The following LPCAT2 variants were observed in gnomAD, a reference collection of about 807,000 sequenced individuals.
LPCAT2 encodes 1-AGP acyltransferase 11.
In LPCAT2, 58 loss-of-function variants were observed where a neutral mutation model predicts 64.7. The ratio of observed to expected loss-of-function variants is 0.90; its 90% confidence interval spans 0.73 to 1.12. The LOEUF (loss-of-function observed/expected upper bound fraction) is 1.12. LPCAT2 is among the 50% of genes most tolerant of loss of function. The probability of loss-of-function intolerance (pLI) is 0.00; values close to 1 mark genes in which losing one functional copy is unlikely to be tolerated. For missense variants in LPCAT2, 579 were observed against 669.8 expected (o/e 0.86, Z 1.50); for synonymous variants, 252 against 245.3 (o/e 1.03, Z -0.26).
chr16:55,566,920 A>C, intron 11 of LPCAT2: 1 of 1,613,860 alleles, frequency 6.2e-7, no homozygotes, highest in Non-Finnish European at 8.5e-7. Context: ...GCAGCAGCTC[A>C]GTATACTCCA....
chr16:55,565,834 G>C (rs1425839239), intron 11 of LPCAT2, among the ~76,000 whole-genome samples: 2 of 151,950 alleles, frequency 1.3e-5, no homozygotes, highest in Non-Finnish European at 2.9e-5. Context: ...ACTTAAAAAT[G>C]GTTAAAATAG....
At chr16:55,575,309 C>T (rs535478367) in intron 12 of LPCAT2, among the ~76,000 whole-genome samples, 5 of 152,282 alleles carry the variant, frequency 3.3e-5, no homozygotes, top group African/African-American at 1.2e-4. Context: ...CTGGTTCCCA[C>T]AGAGCTTGAT....
Position 55,543,911 on chromosome 16 carries a change from T to C in LPCAT2, c.853-1824T>C, listed in dbSNP as rs180877183. On this transcript the variant is annotated intron_variant, in intron 8 of 13. Coordinates refer to ENST00000262134, the MANE Select transcript of LPCAT2 (RefSeq NM_017839.5). ...CCCCCTTAGAGAGGAAATAATCAGATAAATGTGAAAAGTAAATATCCTGTA... is the reference window on the plus strand; with the variant it reads ...CCCCCTTAGAGAGGAAATAATCAGACAAATGTGAAAAGTAAATATCCTGTA... Among the ~76,000 whole-genome samples, 1,354 of 152,334 alleles carry C rather than the reference T, an allele frequency of 8.9e-3. 16 individuals are homozygous for C. The highest frequency in any genetic ancestry group is 0.03 in the African/African-American group (1,252 of 41,570).
At chr16:55,520,248 A>G (rs1236683452) in intron 1 of LPCAT2, among the ~76,000 whole-genome samples, 5 of 152,122 alleles carry the variant, frequency 3.3e-5, no homozygotes, top group Non-Finnish European at 4.4e-5. Flanking sequence ...CTGTATTAAT[A>G]TCAGATAAAG....
chr16:55,543,180 C>T (rs1450796088), intron 8 of LPCAT2, among the ~76,000 whole-genome samples: 3 of 152,056 alleles, frequency 2.0e-5, no homozygotes, highest in Non-Finnish European at 2.9e-5. Flanking sequence ...AGGAATGGGG[C>T]CTCCAAGGCC....
chr16:55,547,574 T>C (rs1285256358), intron 9 of LPCAT2, among the ~76,000 whole-genome samples: 1 of 152,168 alleles, frequency 6.6e-6, no homozygotes, highest in Non-Finnish European at 1.5e-5. Context: ...TCACACTAGG[T>C]AGTGACTGTC....
At chr16:55,533,121 C>G (rs1473408125) in intron 6 of LPCAT2, among the ~76,000 whole-genome samples, 2 of 152,080 alleles carry the variant, frequency 1.3e-5, no homozygotes, top group African/African-American at 2.4e-5. Flanking sequence ...ATTTTCTTAG[C>G]CTTTACTCTG....
chr16:55,579,380 A>G (rs1366950127), intron 13 of LPCAT2, 136 bp downstream of exon 13: 2 of 816,920 alleles, frequency 2.4e-6, no homozygotes, highest in African/African-American at 1.7e-5. Context: ...GACCACAGTA[A>G]TAATAGTAGT....
chr16:55,574,531 G>A (rs776324130), intron 11 of LPCAT2, 100 bp from the exon 12 acceptor site: 34 of 777,118 alleles, frequency 4.4e-5, no homozygotes, highest in Non-Finnish European at 7.3e-5. Flanking sequence ...AGTGAATGAT[G>A]AGGTTGAGCT....
rs1317677495 is a variant in LPCAT2 at position 55,586,338 on chromosome 16, C to T, written c.*3240C>T. 1 of 152,116 alleles carries T rather than the reference C, an allele frequency of 6.6e-6. No homozygotes were observed. Among genetic ancestry groups the T allele is most frequent in the Non-Finnish European group, 1.5e-5 (1 of 68,014 alleles). The allele number at this position is 152,116 out of a possible 1,614,324, so 9.4% of individuals were successfully genotyped here. A position where few individuals can be genotyped will look rare whatever the true frequency, so the allele number is the denominator to read the frequency against. On this transcript the variant is annotated 3_prime_UTR_variant, in exon 14 of 14. Transcript: ENST00000262134. ...ATGTTCTAACAAATTGTCTCCATCG[C>T]ACTTCAACAGCCAGGTCCCTATTTT... is the stretch of plus-strand genomic sequence containing the variant.
chr16:55,552,307 A>G (rs2142400893), intron 11 of LPCAT2, among the ~76,000 whole-genome samples: 1 of 152,286 alleles, frequency 6.6e-6, no homozygotes, highest in South Asian at 2.1e-4. Flanking sequence ...GTAGTATTCA[A>G]TTGTATAGAT....
chr16:55,557,036 T>C (rs1963584489), intron 11 of LPCAT2: 1 of 152,246 alleles, frequency 6.6e-6, no homozygotes, highest in Admixed American at 6.5e-5. Context: ...TATTTTATAA[T>C]TGTGGGGCTT....
chr16:55,582,519 T>A (rs1963898223), intron 13 of LPCAT2, among the ~76,000 whole-genome samples: 1 of 152,224 alleles, frequency 6.6e-6, no homozygotes, highest in African/African-American at 2.4e-5. Flanking sequence ...TTCATTGCCA[T>A]ATGGCCTTAT....
At position 55,585,942 on chromosome 16, in the gene LPCAT2, G is replaced by A. The variant is rs1474732035; in HGVS notation, c.*2844G>A. On this transcript the variant is annotated 3_prime_UTR_variant, in exon 14 of 14. Coordinates refer to ENST00000262134, the MANE Select transcript of LPCAT2 (RefSeq NM_017839.5). The stretch of plus-strand genomic sequence containing the variant: ...AAATAGAAGGATATTGACTATATTG[G>A]AACAGATGGAGTCTCTACTACAAAA... The A allele has an allele frequency of 6.6e-6, 1 of 152,158 alleles. No homozygotes were observed. 9.4% of individuals were successfully genotyped at this position (152,158 alleles called of 1,614,324 possible).
intron 1 of LPCAT2, among the ~76,000 whole-genome samples, chr16:55,515,693 A>G (rs1415160993): frequency 6.6e-6 from 1 of 152,240 alleles, no homozygotes; most frequent in Non-Finnish European, 1.5e-5. Flanking sequence ...GTATAAAGAC[A>G]TAATTTGTAT....
intron 1 of LPCAT2, among the ~76,000 whole-genome samples, chr16:55,510,054 C>A (rs1962908637): frequency 7.5e-6 from 1 of 132,940 alleles, no homozygotes; most frequent in Non-Finnish European, 1.5e-5. Flanking sequence ...AAGAGTGAGG[C>A]AGAAGGCAGA....
intron 13 of LPCAT2, among the ~76,000 whole-genome samples, chr16:55,580,742 C>A (rs1963878772): frequency 6.6e-6 from 1 of 152,134 alleles, no homozygotes; most frequent in African/African-American, 2.4e-5. Flanking sequence ...AACGGAGTTA[C>A]ACAGCAGGAG....
At chr16:55,533,858 TTTC>T (rs1334195911) in intron 6 of LPCAT2, among the ~76,000 whole-genome samples, 1 of 152,200 alleles carries the variant, frequency 6.6e-6, no homozygotes, top group East Asian at 1.9e-4. Context: ...TGAGAGGAAC[TTTC>T]TTTACTAGAG....
At chr16:55,552,398 T>A (rs1963527800) in intron 11 of LPCAT2, among the ~76,000 whole-genome samples, 1 of 152,256 alleles carries the variant, frequency 6.6e-6, no homozygotes, top group South Asian at 2.1e-4. Flanking sequence ...ACTATAGCTG[T>A]CATTCTAAGA....
Sources: gnomAD v4.1 joint callset for allele counts (sites outside exome capture counted in the v4.1 genomes callset) on GRCh38, gnomAD v4.1.1 for gene constraint, MANE v1.5 for transcripts, NCBI Gene and HGNC (gene_info 2026-07-23, HGNC 2026-07-21) for gene names.